GFM2: variants seen among roughly 807,000 people sequenced by gnomAD.
The protein encoded by GFM2 is ribosome-releasing factor 2, mitochondrial.
In GFM2, 72 loss-of-function variants were observed where a neutral mutation model predicts 95.4. The observed-to-expected ratio is 0.76, with a 90% CI of 0.62 to 0.92. GFM2 has a LOEUF of 0.92. Among genes scored for constraint, GFM2 ranks in the 40% least tolerant of loss-of-function variants. The pLI is 0.00. For missense variants in GFM2, 825 were observed against 924.1 expected, an observed-to-expected ratio of 0.89 and a Z score of 1.39; for synonymous variants, 276 against 317.5, an observed-to-expected ratio of 0.87 and a Z score of 1.39.
chr5:74,736,962 G>A lies in GFM2; in HGVS notation c.1344C>T (p.Val448=), dbSNP rs1433373116. ...CAGCTAATGCACTGGACTTGGATGA[G>A]ACAATGGTGTCTCCAGTGGCAGTCT... The part of the protein sequence containing the change: ...LKHTATGDTI[V]SSKSSALAAA... The change falls in exon 15 of 21, where the codon GTC becomes GTT. Residue 448 remains valine, a synonymous_variant. Transcript: ENST00000296805. 6.2e-7 allele frequency: 1 copy of A among 1,613,434 alleles called. No homozygotes were observed. The highest frequency in any genetic ancestry group is 1.3e-5 in the African/African-American group (1 of 74,874).
rs547240565 is a variant in GFM2, at chr5:74,721,625, T to C, written c.*30A>G. ...TACTGAAAATGAAGTAGCTAGGTGC[T>C]CCTGAATTTCTCTCCAAAAACTAAA... On this transcript the variant is annotated 3_prime_UTR_variant, in exon 21 of 21. Transcript: ENST00000296805. 6.2e-7 allele frequency: 1 copy of C among 1,603,966 alleles called. No individual in the cohort carries two copies. The highest frequency in any genetic ancestry group is 2.2e-5 in the East Asian group (1 of 44,834).
chr5:74,746,032 G>GGAAATGTATATATTGTCACA (rs1204770235), intron 9 of GFM2, 73 bp downstream of exon 9: 1 of 1,169,448 alleles, frequency 8.6e-7, no homozygotes, highest in African/African-American at 1.5e-5. Context: ...AGATAGCTTT[G>GGAAATGTATATATTGTCACA]GAAATGTATA....
intron 2 of GFM2, 28 bp downstream of exon 2, chr5:74,763,652 G>A (rs774850402): frequency 1.5e-6 from 2 of 1,331,000 alleles, no homozygotes; most frequent in East Asian, 2.3e-5. Flanking sequence ...GTTGTTAAAG[G>A]ACACTTAATT....
intron 7 of GFM2, among the ~76,000 whole-genome samples, chr5:74,748,923 A>T (rs1179555765): frequency 1.5e-4 from 21 of 139,130 alleles, no homozygotes; most frequent in African/African-American, 3.1e-4. Flanking sequence ...AAAATAAAAA[A>T]AAATAAAAAA....
chr5:74,749,180 A>AC (rs1388295824), intron 7 of GFM2, among the ~76,000 whole-genome samples: 1 of 151,078 alleles, frequency 6.6e-6, no homozygotes, highest in African/African-American at 2.4e-5. Flanking sequence ...CACCCAGCTA[A>AC]TTTTTTTTGT....
At chr5:74,725,866 A>C in intron 18 of GFM2, 75 bp downstream of exon 18, 2 of 1,486,060 alleles carry the variant, frequency 1.3e-6, no homozygotes, top group East Asian at 4.5e-5. Context: ...AAAAAGACTG[A>C]AATAATCTGT....
Position 74,721,255 on chromosome 5 carries a change from C to T in GFM2, c.*400G>A. On this transcript the variant is annotated 3_prime_UTR_variant, in exon 21 of 21. Coordinates refer to ENST00000296805, the MANE Select transcript of GFM2 (RefSeq NM_032380.5). ...AAATCATGTAAAATAAGATATTAGA[C>T]TGTTTTTTGAATAAAATATTTTTAT... The T allele has an allele frequency of 8.9e-7, 1 of 1,122,602 alleles. No individual in the cohort carries two copies. Among genetic ancestry groups the T allele is most frequent in the Non-Finnish European group, 1.4e-6 (1 of 737,596 alleles). The allele number at this position is 1,122,602 out of a possible 1,614,324, so 69.5% of individuals were successfully genotyped here. A position where few individuals can be genotyped will look rare whatever the true frequency, so the allele number is the denominator to read the frequency against.
intron 2 of GFM2, among the ~76,000 whole-genome samples, chr5:74,762,498 T>G (rs1238401068): frequency 3.9e-5 from 6 of 152,216 alleles, no homozygotes; most frequent in African/African-American, 1.4e-4. Flanking sequence ...ATTTCATGGA[T>G]AGAAGATTCA....
rs1167646213 is a variant in GFM2, at chr5:74,722,457, TC to T, written c.2132del (p.Arg711LysfsTer23). 3.1e-6 allele frequency: 5 copies of T among 1,613,938 alleles called. No individual in the cohort carries two copies. The Admixed American group carries it at 8.3e-5, about 27-fold the overall frequency. On this transcript the variant is annotated frameshift_variant, in exon 20 of 21. Transcript: ENST00000296805. LOFTEE classifies it high-confidence loss of function. Reference protein sequence around the residue: ...LSPVLADLAQRRGNIQEIQTR... With the variant: ...LSPVLADLAQXRGNIQEIQTR... ...TCTGAATTTCCTGAATGTTTCCTCTTCTTTGTGCCAGATCTGCCAGGACAGG... is the reference window on the plus strand; with the variant it reads ...TCTGAATTTCCTGAATGTTTCCTCTTTTTGTGCCAGATCTGCCAGGACAGG...
chr5:74,743,345 T>C (rs745417546), intron 10 of GFM2, among the ~76,000 whole-genome samples: 65 of 152,358 alleles, frequency 4.3e-4, no homozygotes, highest in Non-Finnish European at 7.1e-4. Flanking sequence ...TTTTCCATAG[T>C]GGCCGCAACA....
In GFM2 at chr5:74,726,891, G is replaced by T. The variant is rs150828229; in HGVS notation, c.1727-765C>A. On this transcript the variant is annotated intron_variant, in intron 17 of 20. Coordinates refer to ENST00000296805, the MANE Select transcript of GFM2 (RefSeq NM_032380.5). The stretch of plus-strand genomic sequence containing the variant: ...ATTTAAAATTATACAGGCTGGATGT[G>T]GTGGCTTACACCTGTAATCCCACCC... 1.2e-4 allele frequency among the ~76,000 whole-genome samples: 19 copies of T among 152,236 alleles called. No homozygotes were observed. In the East Asian group the frequency reaches 3.7e-3, roughly 29 times the overall value.
At chr5:74,740,480 T>C (rs1341923549) in intron 11 of GFM2, among the ~76,000 whole-genome samples, 1 of 152,204 alleles carries the variant, frequency 6.6e-6, no homozygotes, top group African/African-American at 2.4e-5. Flanking sequence ...ACAGAGGAAC[T>C]GATCATAAAT....
At chr5:74,730,116 A>C in intron 17 of GFM2, 144 bp downstream of exon 17, 1 of 760,978 alleles carries the variant, frequency 1.3e-6, no homozygotes, top group Non-Finnish European at 2.0e-6. Context: ...CAAAATCCTA[A>C]AAAAACAAAA....
chr5:74,724,090 GTT>G (rs934743048), intron 19 of GFM2, among the ~76,000 whole-genome samples: 1 of 152,132 alleles, frequency 6.6e-6, no homozygotes, highest in African/African-American at 2.4e-5. Context: ...CATTAGGAGT[GTT>G]TTGTTTGAAG....
chr5:74,745,994 T>C, intron 9 of GFM2, 111 bp downstream of exon 9: 38 of 1,065,334 alleles, frequency 3.6e-5, no homozygotes, highest in Non-Finnish European at 5.1e-5. Context: ...CTATTTCTAT[T>C]TATACCCCAA....
intron 9 of GFM2, 97 bp from the exon 10 acceptor site, chr5:74,745,954 G>T: frequency 8.5e-7 from 1 of 1,177,108 alleles, no homozygotes; most frequent in Non-Finnish European, 1.2e-6. Context: ...TCCCCAAAAT[G>T]TCTATTATCA....
At chr5:74,747,154 A>T (rs1264795476) in intron 8 of GFM2, among the ~76,000 whole-genome samples, 1 of 152,274 alleles carries the variant, frequency 6.6e-6, no homozygotes, top group African/African-American at 2.4e-5. Context: ...CCACTCTGTA[A>T]GTCTCTGACC....
intron 14 of GFM2, among the ~76,000 whole-genome samples, chr5:74,738,069 CA>C (rs1340776230): frequency 1.3e-5 from 2 of 152,012 alleles, no homozygotes; most frequent in Non-Finnish European, 2.9e-5. Flanking sequence ...TATCCATAAA[CA>C]GTATGTTATT....
chr5:74,727,426 T>C (rs545249410), intron 17 of GFM2, among the ~76,000 whole-genome samples: 2 of 152,298 alleles, frequency 1.3e-5, no homozygotes, highest in African/African-American at 4.8e-5. Context: ...ATACGGCAAC[T>C]TTTTTGTTCT....
Sources: allele counts gnomAD v4.1 joint callset (sites outside exome capture counted in the v4.1 genomes callset), GRCh38; gene constraint gnomAD v4.1.1; transcripts MANE v1.5; gene names NCBI Gene and HGNC (gene_info 2026-07-23, HGNC 2026-07-21).